The following NMBR variants were observed in gnomAD, a reference collection of about 807,000 sequenced individuals.
The protein encoded by NMBR is neuromedin B receptor, also known as neuromedin-B receptor.
Under a neutral mutation model 20.5 loss-of-function variants are expected in NMBR, and 16 were observed. The ratio of observed to expected loss-of-function variants is 0.78; its 90% CI spans 0.53 to 1.19. NMBR has a LOEUF of 1.19. Ranked by LOEUF, NMBR falls within the 50% of genes most tolerant of loss-of-function variation. The pLI is 0.00. For synonymous variants in NMBR, 212 were observed against 196.6 expected, an observed-to-expected ratio of 1.08 and a Z score of -0.65; for missense variants, 582 against 499.1, an observed-to-expected ratio of 1.17 and a Z score of -1.58.
chr6:142,088,029 A>T (rs897651583), intron 2 of NMBR, among the ~76,000 whole-genome samples: 7 of 151,830 alleles, frequency 4.6e-5, no homozygotes, highest in African/African-American at 1.7e-4. Flanking sequence ...AAACATAGTA[A>T]TTTTCTTATA....
At chr6:142,080,363 T>A (rs1279779440) in intron 2 of NMBR, among the ~76,000 whole-genome samples, 1 of 144,106 alleles carries the variant, frequency 6.9e-6, no homozygotes, top group African/African-American at 2.6e-5. Context: ...CAGGCTGGAG[T>A]ACAGTTGCCT....
chr6:142,120,894 T>C (rs1185630511), intron 1 of NMBR, among the ~76,000 whole-genome samples: 3 of 151,916 alleles, frequency 2.0e-5, no homozygotes, highest in African/African-American at 7.2e-5. Context: ...AGTTACCTCA[T>C]TTTATCGTGT....
chr6:142,099,875 A>C (rs1259606539), intron 1 of NMBR, among the ~76,000 whole-genome samples: 1 of 152,208 alleles, frequency 6.6e-6, no homozygotes, highest in Non-Finnish European at 1.5e-5. Context: ...TCAGTAAAAA[A>C]ATAAAAAATC....
chr6:142,141,557 T>C (rs1188525988), intron 1 of NMBR, among the ~76,000 whole-genome samples: 1 of 151,232 alleles, frequency 6.6e-6, no homozygotes, highest in Non-Finnish European at 1.5e-5. Flanking sequence ...AGGGCTGGAG[T>C]GCAGTGTTGC....
intron 1 of NMBR, among the ~76,000 whole-genome samples, chr6:142,121,420 G>A (rs1234722087): frequency 2.6e-5 from 4 of 151,990 alleles, no homozygotes; most frequent in South Asian, 2.1e-4. Context: ...CTGAAAGCTC[G>A]ACCTCTTGCT....
intron 1 of NMBR, among the ~76,000 whole-genome samples, chr6:142,091,063 G>T (rs1777311984): frequency 6.6e-6 from 1 of 151,946 alleles, no homozygotes; most frequent in Admixed American, 6.6e-5. Context: ...AGAATATAAT[G>T]AATATTTTAA....
At chr6:142,125,564 C>A (rs976933299) in intron 1 of NMBR, among the ~76,000 whole-genome samples, 1 of 151,210 alleles carries the variant, frequency 6.6e-6, no homozygotes, top group Non-Finnish European at 1.5e-5. Context: ...AAGGGCTACA[C>A]TGTTCTCACA....
rs770248653 is a variant in NMBR at position 142,147,108 on chromosome 6, T to TA, written c.-729dup. The TA allele has an allele frequency of 1.6e-6, 1 of 636,374 alleles. No individual in the cohort carries two copies. The highest frequency in any genetic ancestry group is 2.7e-6 in the Non-Finnish European group (1 of 364,224). The allele number at this position is 636,374 out of a possible 1,614,324, so 39.4% of individuals were successfully genotyped here. ...AAATGCTCGGGTCTTCTGTGGGTTCTAACCGCCGAGAGCCAAGCACCCTGA... is the reference window on the plus strand; with the variant it reads ...AAATGCTCGGGTCTTCTGTGGGTTCTAAACCGCCGAGAGCCAAGCACCCTGA... On this transcript the variant is annotated 5_prime_UTR_variant, in exon 1 of 4. Transcript: ENST00000258042.
chr6:142,081,986 G>A (rs139064937), intron 2 of NMBR, among the ~76,000 whole-genome samples: 10 of 152,076 alleles, frequency 6.6e-5, no homozygotes, highest in African/African-American at 1.4e-4. Context: ...TTTGGATCTC[G>A]CTTGTAACAT....
intron 1 of NMBR, among the ~76,000 whole-genome samples, chr6:142,109,343 G>T (rs930646794): frequency 6.6e-6 from 1 of 152,116 alleles, no homozygotes; most frequent in Non-Finnish European, 1.5e-5. Context: ...GGGACTCGAG[G>T]ATATAAGGTC....
At chr6:142,138,926 T>C (rs2114613562) in intron 1 of NMBR, among the ~76,000 whole-genome samples, 1 of 152,320 alleles carries the variant, frequency 6.6e-6, no homozygotes, top group East Asian at 1.9e-4. Context: ...TTGTTATATA[T>C]GACCAGTGTA....
intron 1 of NMBR, among the ~76,000 whole-genome samples, chr6:142,124,953 G>A (rs558954322): frequency 6.6e-6 from 1 of 151,910 alleles, no homozygotes; most frequent in African/African-American, 2.4e-5. Flanking sequence ...TAAATCATTT[G>A]CCCAAAATAA....
chr6:142,081,824 T>C (rs1777103756), intron 2 of NMBR, among the ~76,000 whole-genome samples: 1 of 152,174 alleles, frequency 6.6e-6, no homozygotes, highest in Non-Finnish European at 1.5e-5. Context: ...TGTAAAAAGG[T>C]ATATTTTCCC....
At chr6:142,145,311 T>C (rs936919197) in intron 1 of NMBR, among the ~76,000 whole-genome samples, 1 of 152,078 alleles carries the variant, frequency 6.6e-6, no homozygotes, top group African/African-American at 2.4e-5. Context: ...CATAAGATGA[T>C]GGAATAGAGA....
chr6:142,125,783 T>C (rs1455415130), intron 1 of NMBR, among the ~76,000 whole-genome samples: 1 of 151,876 alleles, frequency 6.6e-6, no homozygotes, highest in African/African-American at 2.4e-5. Context: ...GTTTTGATAT[T>C]CATATACATT....
At position 142,074,573 on chromosome 6, in the gene NMBR, G is replaced by A. The variant is rs1297064329; in HGVS notation, c.*1075C>T. Among the ~76,000 whole-genome samples, 1 of 152,076 alleles carries A rather than the reference G, an allele frequency of 6.6e-6. No individual in the cohort carries two copies. Among genetic ancestry groups the A allele is most frequent in the African/African-American group, 2.4e-5 (1 of 41,440 alleles). The stretch of plus-strand genomic sequence containing the variant: ...ATACATTTGCATTTTCCTAAAAAAA[G>A]AAGACATTTGTTCAGAGAAAACTGT... On this transcript the variant is annotated 3_prime_UTR_variant, in exon 4 of 4. Coordinates refer to ENST00000258042, the MANE Select transcript of NMBR (RefSeq NM_002511.4).
At chr6:142,110,310 A>G (rs1289416106) in intron 1 of NMBR, among the ~76,000 whole-genome samples, 1 of 152,234 alleles carries the variant, frequency 6.6e-6, no homozygotes, top group Non-Finnish European at 1.5e-5. Context: ...CAAAAAGTAG[A>G]AACAACCCAA....
intron 1 of NMBR, among the ~76,000 whole-genome samples, chr6:142,092,872 G>A (rs1313331636): frequency 2.6e-5 from 4 of 152,160 alleles, no homozygotes; most frequent in African/African-American, 4.8e-5. Flanking sequence ...CTATCTGCAT[G>A]TGGGAAAATT....
intron 2 of NMBR, among the ~76,000 whole-genome samples, chr6:142,083,520 T>A (rs983400972): frequency 1.3e-5 from 2 of 152,172 alleles, no homozygotes; most frequent in Admixed American, 1.3e-4. Flanking sequence ...TGGCTCTGCA[T>A]CCCCAACAAA....
Sources: allele counts gnomAD v4.1 joint callset (sites outside exome capture counted in the v4.1 genomes callset), GRCh38; gene constraint gnomAD v4.1.1; transcripts MANE v1.5; gene names NCBI Gene and HGNC (gene_info 2026-07-23, HGNC 2026-07-21).